Variants in REL observed in about 807,000 individuals in gnomAD.
REL encodes proto-oncogene c-Rel.
Under a neutral mutation model 45.9 loss-of-function variants are expected in REL, and 15 were observed. That is an observed-to-expected ratio of 0.33 (90% CI 0.22 to 0.50). The LOEUF is 0.50. REL is among the 20% of genes least tolerant of loss of function. REL has a pLI of 0.98. For missense variants in REL, 601 were observed against 715.2 expected (o/e 0.84, Z 1.82); for synonymous variants, 239 against 242.1 (o/e 0.99, Z 0.12).
At chr2:60,884,754 C>A (rs1408970653) in intron 1 of REL, among the ~76,000 whole-genome samples, 1 of 151,982 alleles carries the variant, frequency 6.6e-6, no homozygotes, top group Non-Finnish European at 1.5e-5. Flanking sequence ...TAGTATGGTT[C>A]TTCTGTGTCA....
In REL at chr2:60,928,619, A is replaced by G. The variant is rs1330883390; in HGVS notation, c.*6084A>G. ...ATGGTGCTGGGAAAACTGGCTAGCC[A>G]TATGTAGAAAGCTGAAACTGGATCC... is the stretch of plus-strand genomic sequence containing the variant. On this transcript the variant is annotated 3_prime_UTR_variant, in exon 10 of 10. Coordinates refer to ENST00000394479, the MANE Select transcript of REL (RefSeq NM_001291746.2). 2 of 130,992 alleles carry G rather than the reference A, an allele frequency of 1.5e-5. No homozygotes were observed. Among genetic ancestry groups the G allele is most frequent in the East Asian group, 4.2e-4 (2 of 4,764 alleles). The allele number at this position is 130,992 out of a possible 1,614,324, so 8.1% of individuals were successfully genotyped here. A position where few individuals can be genotyped will look rare whatever the true frequency, so the allele number is the denominator to read the frequency against.
intron 6 of REL, 39 bp from the exon 7 acceptor site, chr2:60,918,355 G>C: frequency 6.5e-7 from 1 of 1,549,824 alleles, no homozygotes; most frequent in Non-Finnish European, 8.8e-7. Context: ...CAGTTACTTT[G>C]TTTTCCCATT....
intron 4 of REL, among the ~76,000 whole-genome samples, chr2:60,910,789 A>G (rs970689431): frequency 4.0e-5 from 6 of 151,456 alleles, no homozygotes; most frequent in African/African-American, 1.5e-4. Flanking sequence ...AAACTTAGCC[A>G]GGCATGGTGG....
intron 9 of REL, among the ~76,000 whole-genome samples, chr2:60,921,227 T>C (rs1674132429): frequency 6.6e-6 from 1 of 152,210 alleles, no homozygotes; most frequent in Admixed American, 6.5e-5. Context: ...ATTTGTATAA[T>C]ATGTAAATAG....
intron 3 of REL, among the ~76,000 whole-genome samples, chr2:60,895,339 GC>G (rs1050452297): frequency 1.3e-5 from 2 of 151,882 alleles, no homozygotes; most frequent in Admixed American, 1.3e-4. Context: ...GTACCACCAT[GC>G]CCGGCTAATT....
chr2:60,900,167 A>G (rs895714745), intron 3 of REL: 1 of 152,232 alleles, frequency 6.6e-6, no homozygotes, highest in Admixed American at 6.5e-5. Flanking sequence ...TTTAAAATGT[A>G]CAAGAGAAGC....
chr2:60,888,473 A>G (rs964459374), intron 1 of REL, among the ~76,000 whole-genome samples: 3 of 152,182 alleles, frequency 2.0e-5, no homozygotes, highest in Non-Finnish European at 2.9e-5. Flanking sequence ...TTTCTTAAAT[A>G]CTCCTACAAG....
At chr2:60,888,103 AT>A (rs1159077231) in intron 1 of REL, among the ~76,000 whole-genome samples, 6 of 151,730 alleles carry the variant, frequency 4.0e-5, no homozygotes, top group Admixed American at 6.6e-5. Context: ...AATTTTTTGT[AT>A]TTTTAGTAGA....
chr2:60,897,848 G>A (rs936451998), intron 3 of REL, among the ~76,000 whole-genome samples: 7 of 146,092 alleles, frequency 4.8e-5, no homozygotes, highest in African/African-American at 1.8e-4. Context: ...GCAACAGAGC[G>A]AGATTGTATC....
chr2:60,893,316 A>G (rs35805821), intron 2 of REL, among the ~76,000 whole-genome samples: 2,010 of 152,324 alleles, frequency 0.013, 45 homozygotes, highest in Non-Finnish European at 0.013. Context: ...TGGCAAAATT[A>G]TATATATTGA....
chr2:60,917,779 T>C (rs1458879799), intron 5 of REL, among the ~76,000 whole-genome samples: 1 of 151,630 alleles, frequency 6.6e-6, no homozygotes, highest in Non-Finnish European at 1.5e-5. Context: ...TATACCTGTT[T>C]TATGTGTAGA....
rs1251437425 is a variant in REL at position 60,925,949 on chromosome 2, A to G, written c.*3414A>G. ...TTAAGGTTCTGCTACCTCTGTGTGT[A>G]GAATATTCCCAATGGATTTTTCATT... On this transcript the variant is annotated 3_prime_UTR_variant, in exon 10 of 10. Coordinates refer to ENST00000394479, the MANE Select transcript of REL (RefSeq NM_001291746.2). The G allele has an allele frequency of 1.8e-5, 4 of 225,846 alleles. No individual in the cohort carries two copies. The highest frequency in any genetic ancestry group is 6.4e-5 in the East Asian group (1 of 15,670). 14.0% of individuals were successfully genotyped at this position (225,846 alleles called of 1,614,324 possible).
At chr2:60,882,599 T>A (rs1672972245) in intron 1 of REL, among the ~76,000 whole-genome samples, 1 of 151,716 alleles carries the variant, frequency 6.6e-6, no homozygotes, top group African/African-American at 2.4e-5. Flanking sequence ...CGCTTGAACC[T>A]GGGAGGTGGA....
Position 60,922,610 on chromosome 2 carries a change from G to A in REL, c.*75G>A. On this transcript the variant is annotated 3_prime_UTR_variant, in exon 10 of 10. Transcript: ENST00000394479. Reference sequence around the variant, plus strand: ...AGCATTTTGTATTTGTCTAACTGGGGATATAATACTATATTTATACTGTAT... The same window carrying A: ...AGCATTTTGTATTTGTCTAACTGGGAATATAATACTATATTTATACTGTAT... 1 of 1,429,352 alleles carries A rather than the reference G, an allele frequency of 7.0e-7. No individual in the cohort carries two copies. Among genetic ancestry groups the A allele is most frequent in the Non-Finnish European group, 9.2e-7 (1 of 1,084,766 alleles). The allele number at this position is 1,429,352 out of a possible 1,614,324, so 88.5% of individuals were successfully genotyped here. A position where few individuals can be genotyped will look rare whatever the true frequency, so the allele number is the denominator to read the frequency against.
chr2:60,908,998 T>C (rs1311001227), intron 4 of REL, among the ~76,000 whole-genome samples: 1 of 152,224 alleles, frequency 6.6e-6, no homozygotes, highest in Admixed American at 6.5e-5. Flanking sequence ...TCATGTGTAC[T>C]TCATTGTCCT....
chr2:60,883,571 A>G (rs1390324472), intron 1 of REL, among the ~76,000 whole-genome samples: 1 of 152,240 alleles, frequency 6.6e-6, no homozygotes, highest in Non-Finnish European at 1.5e-5. Context: ...GCCTAGCATT[A>G]TAAGTAAGTT....
chr2:60,917,017 CGTAA>C lies in REL; in HGVS notation c.535+4_535+7del. ...TGTCTCGAACCCAATTTATGACAAC[CGTAA>C]GTACTTCATTTTCTTATATTTGTAG... On this transcript the variant is annotated splice_donor_variant and splice_donor_region_variant and intron_variant, in intron 5 of 9. Transcript: ENST00000394479. LOFTEE classifies it high-confidence loss of function. 6.2e-7 allele frequency: 1 copy of C among 1,606,806 alleles called. No homozygotes were observed. The highest frequency in any genetic ancestry group is 8.5e-7 in the Non-Finnish European group (1 of 1,176,746).
chr2:60,919,215 A>C (rs1027900694), intron 7 of REL, among the ~76,000 whole-genome samples: 7 of 152,194 alleles, frequency 4.6e-5, no homozygotes, highest in Non-Finnish European at 7.3e-5. Context: ...TAAGAAAACA[A>C]GATGAATATT....
At position 60,916,915 on chromosome 2, in the gene REL, C is replaced by G. The variant is rs1673979188; in HGVS notation, c.433C>G (p.Leu145Val). 4 of 1,613,178 alleles carry G rather than the reference C, an allele frequency of 2.5e-6. No individual in the cohort carries two copies. Among genetic ancestry groups the G allele is most frequent in the Non-Finnish European group, 2.5e-6 (3 of 1,179,514 alleles). ...KQLNDIEDCD[L>V]NVVRLCFQVF... is the part of the protein sequence containing the mutation. ...GCTGAATGATATTGAAGATTGTGACCTCAATGTGGTGAGACTGTGTTTTCA... is the reference window on the plus strand; with the variant it reads ...GCTGAATGATATTGAAGATTGTGACGTCAATGTGGTGAGACTGTGTTTTCA... Residue 145 changes from leucine (L) to valine (V), a missense_variant, in exon 5 of 10, where the codon CTC becomes GTC. Physicochemically the swap from Leu to Val is conservative, Grantham distance 32. Coordinates refer to ENST00000394479, the MANE Select transcript of REL (RefSeq NM_001291746.2).
Sources: gnomAD v4.1 joint callset for allele counts (sites outside exome capture counted in the v4.1 genomes callset) on GRCh38, gnomAD v4.1.1 for gene constraint, MANE v1.5 for transcripts, NCBI Gene and HGNC (gene_info 2026-07-23, HGNC 2026-07-21) for gene names.